Variants in STK32A observed in about 807,000 individuals in gnomAD.
STK32A encodes the protein serine/threonine kinase 32A, also known as serine/threonine-protein kinase 32A.
A neutral mutation model predicts 53.2 loss-of-function variants in STK32A; 41 were observed. The ratio of observed to expected loss-of-function variants is 0.77; its 90% confidence interval spans 0.60 to 1.00. The LOEUF is 1.00. Among genes scored for constraint, STK32A ranks in the 50% least tolerant of loss-of-function variants. The pLI is 0.00. For synonymous variants in STK32A, 166 were observed against 162.8 expected (o/e 1.02, Z -0.15); for missense variants, 458 against 485.8 (o/e 0.94, Z 0.54).
intron 2 of STK32A, among the ~76,000 whole-genome samples, chr5:147,258,377 C>T (rs1318787216): frequency 6.6e-6 from 1 of 151,934 alleles, no homozygotes; most frequent in African/African-American, 2.4e-5. Flanking sequence ...GGTAAAAATC[C>T]ACATTCTTAT....
At position 147,366,310 on chromosome 5, in the gene STK32A, T is replaced by A. The variant is rs539864202; in HGVS notation, c.661-4344T>A. Among the ~76,000 whole-genome samples the A allele has an allele frequency of 2.6e-5, 4 of 152,352 alleles. No individual in the cohort carries two copies. The South Asian group carries it at 8.3e-4, about 32-fold the overall frequency. On this transcript the variant is annotated intron_variant, in intron 8 of 12. Coordinates refer to ENST00000397936, the MANE Select transcript of STK32A (RefSeq NM_001112724.2). ...TTTCCAAGGCAAACCTTGGTCTTCT[T>A]TAAAAATCACTCTGCGTAAGATTTG...
chr5:147,313,721 A>G (rs904076431), intron 4 of STK32A, among the ~76,000 whole-genome samples: 3 of 152,244 alleles, frequency 2.0e-5, no homozygotes, highest in African/African-American at 7.2e-5. Flanking sequence ...TGGTCCTGGC[A>G]TAAGGATAAA....
chr5:147,297,067 G>A lies in STK32A; in HGVS notation c.260+17669G>A, dbSNP rs373164141. ...TTTAAAACAAAGGTTCTTTTTCAAT[G>A]ACTTACCAAACCAATACACCTTAAC... On this transcript the variant is annotated intron_variant, in intron 4 of 12. Transcript: ENST00000397936. Among the ~76,000 whole-genome samples, 20 of 152,192 alleles carry A rather than the reference G, an allele frequency of 1.3e-4. 1 individual carries two copies. In the South Asian group the frequency reaches 4.1e-3, roughly 32 times the overall value.
the STK32A span, chr5:147,399,212 G>A: frequency 6.2e-7 from 1 of 1,614,188 alleles, no homozygotes; most frequent in Non-Finnish European, 8.5e-7. Context: ...GTTTGTGCTT[G>A]TCACAGCCAC....
At chr5:147,298,703 GC>G (rs1481807804) in intron 4 of STK32A, among the ~76,000 whole-genome samples, 1 of 152,066 alleles carries the variant, frequency 6.6e-6, no homozygotes, top group Non-Finnish European at 1.5e-5. Context: ...ATTCTTCTTG[GC>G]CAAATTTTGT....
chr5:147,373,842 TG>T (rs1413749201), intron 10 of STK32A, among the ~76,000 whole-genome samples: 1 of 152,184 alleles, frequency 6.6e-6, no homozygotes, highest in Admixed American at 6.5e-5. Context: ...TGTGGTCTAC[TG>T]CATTATGCTG....
chr5:147,345,181 G>A (rs950928906), intron 6 of STK32A, among the ~76,000 whole-genome samples: 1 of 152,080 alleles, frequency 6.6e-6, no homozygotes, highest in African/African-American at 2.4e-5. Context: ...TTGACAAGTT[G>A]CCTAAACTTT....
intron 5 of STK32A, among the ~76,000 whole-genome samples, chr5:147,335,057 G>T (rs1215582758): frequency 6.6e-6 from 1 of 152,160 alleles, no homozygotes; most frequent in Non-Finnish European, 1.5e-5. Flanking sequence ...CAGAGTAAAA[G>T]TATGTGAATG....
rs1021283127 is a variant in STK32A at position 147,360,495 on chromosome 5, G to A, written c.563-1022G>A. 3.0e-4 allele frequency among the ~76,000 whole-genome samples: 40 copies of A among 131,782 alleles called. No individual in the cohort carries two copies. The East Asian group carries it at 6.2e-3, about 20-fold the overall frequency. The allele number at this position is 131,782 out of a possible 152,430, so 86.5% of individuals were successfully genotyped here. On this transcript the variant is annotated intron_variant, in intron 7 of 12. Coordinates refer to ENST00000397936, the MANE Select transcript of STK32A (RefSeq NM_001112724.2). ...AAAAAAAAAGAAAGAAAGAAAGAAAGAAAAAAAAGGAAAAGAAAAGGGAAA... is the reference window on the plus strand; with the variant it reads ...AAAAAAAAAGAAAGAAAGAAAGAAAAAAAAAAAAGGAAAAGAAAAGGGAAA...
intron 6 of STK32A, chr5:147,348,686 T>G (rs1160907819): frequency 1.3e-6 from 1 of 772,854 alleles, no homozygotes; most frequent in South Asian, 1.4e-5. Flanking sequence ...TTTGTTGTTT[T>G]TAATACAGAT....
intron 5 of STK32A, among the ~76,000 whole-genome samples, chr5:147,334,405 G>A (rs1369738304): frequency 6.6e-6 from 1 of 152,168 alleles, no homozygotes; most frequent in African/African-American, 2.4e-5. Flanking sequence ...ATTTATGGAT[G>A]GCGTCCATTC....
chr5:147,236,017 AAT>A (rs1753298855), intron 1 of STK32A, among the ~76,000 whole-genome samples: 1 of 152,348 alleles, frequency 6.6e-6, no homozygotes, highest in South Asian at 2.1e-4. Context: ...ATGCAAACAA[AAT>A]AAGTTGTGTC....
At chr5:147,270,106 AT>A (rs1478701721) in intron 2 of STK32A, among the ~76,000 whole-genome samples, 1 of 152,216 alleles carries the variant, frequency 6.6e-6, no homozygotes, top group East Asian at 1.9e-4. Context: ...GAAATACATC[AT>A]TTTAACAATC....
intron 2 of STK32A, among the ~76,000 whole-genome samples, chr5:147,274,916 C>T (rs1307232075): frequency 1.3e-5 from 2 of 152,082 alleles, no homozygotes; most frequent in Non-Finnish European, 2.9e-5. Flanking sequence ...CTGTAAAGAG[C>T]CATCCAGTAA....
intron 2 of STK32A, among the ~76,000 whole-genome samples, chr5:147,250,835 G>A (rs1407752759): frequency 1.3e-5 from 2 of 151,590 alleles, no homozygotes; most frequent in African/African-American, 2.4e-5. Context: ...CCAGCTACTC[G>A]GGAGGCTGAG....
intron 2 of STK32A, among the ~76,000 whole-genome samples, chr5:147,272,500 T>C (rs951882751): frequency 6.6e-6 from 1 of 152,252 alleles, no homozygotes; most frequent in African/African-American, 2.4e-5. Flanking sequence ...ATGGTATGAA[T>C]GGACAGAGGC....
intron 8 of STK32A, among the ~76,000 whole-genome samples, chr5:147,365,563 C>A (rs1388840885): frequency 6.6e-6 from 1 of 151,582 alleles, no homozygotes; most frequent in African/African-American, 2.4e-5. Flanking sequence ...TATAGGAAAA[C>A]AGAGAAGAGA....
chr5:147,319,751 G>A (rs2151976327), intron 4 of STK32A, among the ~76,000 whole-genome samples: 1 of 152,294 alleles, frequency 6.6e-6, no homozygotes, highest in Middle Eastern at 3.4e-3. Flanking sequence ...CTTCACCTAA[G>A]CTGTGAAAAG....
the STK32A span, among the ~76,000 whole-genome samples, chr5:147,398,129 T>C: frequency 6.6e-6 from 1 of 152,196 alleles, no homozygotes; most frequent in Non-Finnish European, 1.5e-5. Context: ...TGGATAACTA[T>C]CCAGGATGCT....
Sources: allele counts gnomAD v4.1 joint callset (sites outside exome capture counted in the v4.1 genomes callset), GRCh38; gene constraint gnomAD v4.1.1; transcripts MANE v1.5; gene names NCBI Gene and HGNC (gene_info 2026-07-23, HGNC 2026-07-21).